Variants in SPHKAP observed in about 807,000 individuals in gnomAD.
SPHKAP encodes A-kinase anchor protein SPHKAP.
In SPHKAP, 67 loss-of-function variants were observed where a neutral mutation model predicts 137.5. The ratio of observed to expected loss-of-function variants is 0.49; its 90% confidence interval spans 0.40 to 0.60. The LOEUF is 0.60. SPHKAP is among the 20% of genes least tolerant of loss of function. SPHKAP has a pLI of 0.00. For missense variants in SPHKAP, 2,097 were observed against 2,069.3 expected, an observed-to-expected ratio of 1.01 and a Z score of -0.26; for synonymous variants, 813 against 785.3, an observed-to-expected ratio of 1.04 and a Z score of -0.59.
chr2:228,113,622 TCTC>T (rs1698595143), intron 2 of SPHKAP, among the ~76,000 whole-genome samples: 5 of 139,910 alleles, frequency 3.6e-5, no homozygotes, highest in African/African-American at 5.9e-5. Flanking sequence ...TCTCTCTCTC[TCTC>T]TCTCTCTCTC....
intron 3 of SPHKAP, among the ~76,000 whole-genome samples, chr2:228,067,099 T>C (rs1462524829): frequency 6.6e-6 from 1 of 152,202 alleles, no homozygotes; most frequent in East Asian, 1.9e-4. Flanking sequence ...TCAACAACCT[T>C]GGTTTTTTAT....
At position 228,053,225 on chromosome 2, in the gene SPHKAP, CCATTCT is replaced by C. The variant is rs370110926; in HGVS notation, c.247-25688_247-25683del. Reference sequence around the variant, plus strand: ...GCAATCTCCCTATAAAATCAGGACCCCATTCTCATAACCTCATTTAACCTTTATCAC... The same window carrying C: ...GCAATCTCCCTATAAAATCAGGACCCCATAACCTCATTTAACCTTTATCAC... On this transcript the variant is annotated intron_variant, in intron 3 of 11. Transcript: ENST00000392056. Among the ~76,000 whole-genome samples, 68 of 152,212 alleles carry C rather than the reference CCATTCT, an allele frequency of 4.5e-4. 1 individual carries two copies. The highest frequency in any genetic ancestry group is 3.4e-3 in the Middle Eastern group (1 of 294).
chr2:228,046,614 G>C (rs1161827171), intron 3 of SPHKAP, among the ~76,000 whole-genome samples: 4 of 151,844 alleles, frequency 2.6e-5, no homozygotes, highest in African/African-American at 9.7e-5. Context: ...TTTTTTGTTT[G>C]TTTCTTTCAT....
At chr2:228,088,872 T>C (rs1697625486) in intron 3 of SPHKAP, among the ~76,000 whole-genome samples, 1 of 152,182 alleles carries the variant, frequency 6.6e-6, no homozygotes, top group Non-Finnish European at 1.5e-5. Context: ...GTACAGCCTA[T>C]AGAAATATGA....
chr2:228,057,369 G>T (rs1009281432), intron 3 of SPHKAP, among the ~76,000 whole-genome samples: 52 of 152,114 alleles, frequency 3.4e-4, no homozygotes, highest in Non-Finnish European at 1.0e-4. Context: ...CTTTCCTGGG[G>T]TTCTGTGTTT....
At position 227,985,090 on chromosome 2, in the gene SPHKAP, A is replaced by G. The variant is rs139298542; in HGVS notation, c.4960-3230T>C. On this transcript the variant is annotated intron_variant, in intron 11 of 11. Transcript: ENST00000392056. ...CCCTAACACCAGCTTCTTTCCATCT[A>G]TTTGGGGCCTGTGAAGGAGAGTCTC... Among the ~76,000 whole-genome samples the G allele has an allele frequency of 4.8e-3, 732 of 152,180 alleles. 6 individuals carry two copies. The highest frequency in any genetic ancestry group is 0.015 in the South Asian group (72 of 4,824).
intron 7 of SPHKAP, among the ~76,000 whole-genome samples, chr2:227,999,686 C>T (rs1350672639): frequency 6.6e-6 from 1 of 152,224 alleles, no homozygotes; most frequent in African/African-American, 2.4e-5. Flanking sequence ...GTAAATCTCA[C>T]ATTCCATGTC....
intron 3 of SPHKAP, among the ~76,000 whole-genome samples, chr2:228,068,401 A>G (rs1696898271): frequency 6.6e-6 from 1 of 152,158 alleles, no homozygotes. Flanking sequence ...ATATGGAACC[A>G]CAAAAGAACC....
chr2:228,080,445 G>A (rs879875767), intron 3 of SPHKAP, among the ~76,000 whole-genome samples: 6 of 152,118 alleles, frequency 3.9e-5, no homozygotes, highest in South Asian at 4.1e-4. Context: ...GGTGGCTCAC[G>A]CCAGTAGTCC....
chr2:228,103,522 G>C (rs1226298336), intron 3 of SPHKAP, among the ~76,000 whole-genome samples: 2 of 152,204 alleles, frequency 1.3e-5, no homozygotes, highest in Non-Finnish European at 2.9e-5. Flanking sequence ...TCAGAGCGTG[G>C]TACTGGCTGA....
At chr2:228,053,597 G>A (rs756760535) in intron 3 of SPHKAP, among the ~76,000 whole-genome samples, 1 of 152,028 alleles carries the variant, frequency 6.6e-6, no homozygotes, top group African/African-American at 2.4e-5. Flanking sequence ...TTCTCTGGAT[G>A]CTGGCCAGCA....
chr2:228,061,693 G>A (rs1696638415), intron 3 of SPHKAP, among the ~76,000 whole-genome samples: 2 of 151,410 alleles, frequency 1.3e-5, no homozygotes, highest in Non-Finnish European at 2.9e-5. Flanking sequence ...TATAATATTT[G>A]GGCTGAGGTA....
chr2:228,154,383 A>T (rs2106403692), intron 1 of SPHKAP, among the ~76,000 whole-genome samples: 1 of 150,792 alleles, frequency 6.6e-6, no homozygotes, highest in South Asian at 2.1e-4. Flanking sequence ...GAAGAAAAAA[A>T]TTAGTTAAAA....
At chr2:228,101,602 C>G (rs1222070438) in intron 3 of SPHKAP, among the ~76,000 whole-genome samples, 1 of 152,192 alleles carries the variant, frequency 6.6e-6, no homozygotes, top group Non-Finnish European at 1.5e-5. Flanking sequence ...TGATAACACA[C>G]TTAATCCTTG....
At chr2:228,083,943 G>C (rs1033605341) in intron 3 of SPHKAP, among the ~76,000 whole-genome samples, 3 of 151,984 alleles carry the variant, frequency 2.0e-5, no homozygotes, top group African/African-American at 7.3e-5. Context: ...GGGGTGCAGG[G>C]CAAGGGGAGG....
At chr2:228,011,517 G>T (rs1694368809) in intron 7 of SPHKAP, among the ~76,000 whole-genome samples, 1 of 152,094 alleles carries the variant, frequency 6.6e-6, no homozygotes. Flanking sequence ...AATTACTATT[G>T]TTAAGATTAG....
Position 228,021,732 on chromosome 2 carries a change from C to A in SPHKAP, c.676G>T (p.Glu226Ter). Reference protein sequence around the residue: ...TASEHLEEESEVDESRNDYEN... With the variant: ...TASEHLEEES ...TCACCGTTCCTAGATTCATCCACCT[C>A]GCTTTCCTCCTCCAAGTGCTCAGAA... The change falls in exon 6 of 12, where the codon GAG becomes TAG. Residue 226 changes from glutamate to a stop codon, truncating the protein, a stop_gained. Coordinates refer to ENST00000392056, the MANE Select transcript of SPHKAP (RefSeq NM_001142644.2). LOFTEE classifies it high-confidence loss of function. 1 of 1,613,420 alleles carries A rather than the reference C, an allele frequency of 6.2e-7. No individual in the cohort carries two copies. The highest frequency in any genetic ancestry group is 8.5e-7 in the Non-Finnish European group (1 of 1,179,762).
intron 2 of SPHKAP, chr2:228,109,384 T>G (rs1335397180): frequency 1.0e-6 from 1 of 984,736 alleles, no homozygotes; most frequent in Non-Finnish European, 1.2e-6. Context: ...TTCTGCTAAC[T>G]TAGCTTTGAA....
chr2:228,085,494 C>A (rs1255651778), intron 3 of SPHKAP, among the ~76,000 whole-genome samples: 1 of 152,184 alleles, frequency 6.6e-6, no homozygotes, highest in Non-Finnish European at 1.5e-5. Flanking sequence ...GTTGGTACTA[C>A]AGAGAATGAC....
Sources: allele counts gnomAD v4.1 joint callset (sites outside exome capture counted in the v4.1 genomes callset), GRCh38; gene constraint gnomAD v4.1.1; transcripts MANE v1.5; gene names NCBI Gene and HGNC (gene_info 2026-07-23, HGNC 2026-07-21).